Variants in SH3BGRL observed in about 807,000 individuals in gnomAD.
SH3BGRL encodes SH3 domain binding glutamate rich protein like.
SH3BGRL carries 7 observed loss-of-function variants against 9.8 expected under a neutral mutation model. That is an observed-to-expected ratio of 0.72 (90% CI 0.41 to 1.35). The LOEUF (loss-of-function observed/expected upper bound fraction) is 1.35, where lower values mean the gene tolerates loss of function less well. Among genes scored for constraint, SH3BGRL ranks in the 40% most tolerant of loss-of-function variants. SH3BGRL has a pLI of 0.01. For synonymous variants in SH3BGRL, 36 were observed against 29.1 expected, an observed-to-expected ratio of 1.24 and a Z score of -0.76; for missense variants, 73 against 84.4, an observed-to-expected ratio of 0.86 and a Z score of 0.53.
intron 1 of SH3BGRL, chrX:81,202,489 G>C (rs1299920928): frequency 3.1e-6 from 3 of 981,167 alleles, no homozygotes; most frequent in Non-Finnish European, 3.8e-6. Context: ...TGCTTTGAAG[G>C]AAAACGAAAG....
At chrX:81,236,577 C>T (rs963608878) in intron 1 of SH3BGRL, among the ~76,000 whole-genome samples, 1 of 111,292 alleles carries the variant, frequency 9.0e-6, no homozygotes, top group Non-Finnish European at 1.9e-5. Context: ...CATGGGAATG[C>T]GACTCAACAG....
At chrX:81,248,546 A>G (rs1028754093) in intron 1 of SH3BGRL, among the ~76,000 whole-genome samples, 3 of 112,113 alleles carry the variant, frequency 2.7e-5, no homozygotes, top group African/African-American at 9.7e-5. Context: ...TCCAGTTCCT[A>G]CTGCTGAGGC....
At chrX:81,279,366 G>C (rs906814864) in intron 3 of SH3BGRL, among the ~76,000 whole-genome samples, 6 of 111,340 alleles carry the variant, frequency 5.4e-5, no homozygotes, top group Non-Finnish European at 7.5e-5. Context: ...AATCCAGACA[G>C]AGCAGCATCT....
At chrX:81,233,891 A>C (rs886738553) in intron 1 of SH3BGRL, among the ~76,000 whole-genome samples, 3 of 111,746 alleles carry the variant, frequency 2.7e-5, no homozygotes, top group African/African-American at 9.7e-5. Context: ...TTTGAATTTA[A>C]ACTGGTAAGT....
intron 3 of SH3BGRL, among the ~76,000 whole-genome samples, chrX:81,296,137 G>A (rs1304288764): frequency 9.0e-6 from 1 of 111,336 alleles, no homozygotes; most frequent in Non-Finnish European, 1.9e-5. Context: ...TGAAGGGGAA[G>A]GAAGCACGTC....
chrX:81,297,147 T>A (rs1254065729), intron 3 of SH3BGRL, 48 bp from the exon 4 acceptor site: 1 of 1,120,264 alleles, frequency 8.9e-7, no homozygotes. Flanking sequence ...CATGGGTGTC[T>A]GCTCTGTGAT....
At chrX:81,244,151 C>T (rs2075680902) in intron 1 of SH3BGRL, among the ~76,000 whole-genome samples, 1 of 111,313 alleles carries the variant, frequency 9.0e-6, no homozygotes, top group Non-Finnish European at 1.9e-5. Context: ...ACATATGTCT[C>T]TTCCATGCAA....
At chrX:81,290,986 G>A (rs891087491) in intron 3 of SH3BGRL, among the ~76,000 whole-genome samples, 1 of 111,792 alleles carries the variant, frequency 8.9e-6, no homozygotes, top group Admixed American at 9.5e-5. Context: ...CTCCAACTAT[G>A]TATGCTATGT....
rs184401965 is a variant in SH3BGRL, at chrX:81,228,262, C to A, written c.45+26017C>A. ...TATATTTTAGGTAGACATAAGACAC[C>A]AGTTAATACATGTAAGATGTACATT... is the stretch of plus-strand genomic sequence containing the variant. On this transcript the variant is annotated intron_variant, in intron 1 of 3. Transcript: ENST00000373212. 6.3e-5 allele frequency among the ~76,000 whole-genome samples: 7 copies of A among 111,642 alleles called. No individual in the cohort carries two copies. The East Asian group carries it at 2.0e-3, about 32-fold the overall frequency.
intron 1 of SH3BGRL, among the ~76,000 whole-genome samples, chrX:81,211,882 A>G (rs1378343929): frequency 9.0e-6 from 1 of 111,082 alleles, no homozygotes; most frequent in Admixed American, 9.6e-5. Context: ...CTCCATATAT[A>G]TATATGTATA....
chrX:81,282,850 C>CA (rs973168102), intron 3 of SH3BGRL, among the ~76,000 whole-genome samples: 2 of 110,825 alleles, frequency 1.8e-5, no homozygotes, highest in East Asian at 2.8e-4. Context: ...TAAATTGAAA[C>CA]AAAAAAATAC....
At chrX:81,237,045 C>T (rs2075650603) in intron 1 of SH3BGRL, 10 of 840,038 alleles carry the variant, frequency 1.2e-5, no homozygotes, top group Non-Finnish European at 1.4e-5. Flanking sequence ...TAGATAGATT[C>T]CAGTGAAGGC....
chrX:81,296,906 A>C (rs750462024), intron 3 of SH3BGRL, among the ~76,000 whole-genome samples: 296 of 112,162 alleles, frequency 2.6e-3, no homozygotes, highest in Non-Finnish European at 5.2e-3. Flanking sequence ...AAATCACACA[A>C]AAAGGAAACT....
chrX:81,265,871 T>C (rs1328432342), intron 1 of SH3BGRL, among the ~76,000 whole-genome samples: 3 of 112,035 alleles, frequency 2.7e-5, no homozygotes, highest in Non-Finnish European at 5.6e-5. Flanking sequence ...CCAGCATCTG[T>C]CGTTTCCTGA....
chrX:81,239,149 C>T (rs1218087586), intron 1 of SH3BGRL, among the ~76,000 whole-genome samples: 2 of 111,906 alleles, frequency 1.8e-5, no homozygotes, highest in African/African-American at 3.3e-5. Context: ...TCAACATCAT[C>T]CAGGAAAACA....
intron 1 of SH3BGRL, among the ~76,000 whole-genome samples, chrX:81,252,707 T>G (rs1234753164): frequency 8.9e-6 from 1 of 112,511 alleles, no homozygotes. Context: ...CTGGGCCACA[T>G]GTGGCCCTTG....
intron 1 of SH3BGRL, among the ~76,000 whole-genome samples, chrX:81,207,658 G>A (rs780446375): frequency 4.5e-5 from 5 of 112,353 alleles, no homozygotes; most frequent in African/African-American, 1.6e-4. Flanking sequence ...GTTCATAGAA[G>A]ATGTTCACTT....
chrX:81,267,459 G>A (rs749597147), intron 1 of SH3BGRL, among the ~76,000 whole-genome samples: 6 of 112,042 alleles, frequency 5.4e-5, no homozygotes, highest in African/African-American at 1.6e-4. Context: ...CATCTATTGA[G>A]ATAATCATGT....
At chrX:81,266,510 G>T (rs1006291722) in intron 1 of SH3BGRL, among the ~76,000 whole-genome samples, 1 of 111,591 alleles carries the variant, frequency 9.0e-6, no homozygotes, top group African/African-American at 3.3e-5. Flanking sequence ...AAGATCAGAT[G>T]GTTGTAGATG....
Sources: allele counts gnomAD v4.1 joint callset (sites outside exome capture counted in the v4.1 genomes callset), GRCh38; gene constraint gnomAD v4.1.1; transcripts MANE v1.5; gene names NCBI Gene and HGNC (gene_info 2026-07-23, HGNC 2026-07-21).